The following MTFR1 variants were observed in gnomAD, a reference collection of about 807,000 sequenced individuals.
MTFR1 encodes mitochondrial fission regulator 1.
In MTFR1, 28 loss-of-function variants were observed where a neutral mutation model predicts 38.8. The observed-to-expected ratio is 0.72, with a 90% CI of 0.53 to 0.99. MTFR1 has a LOEUF of 0.99. Among genes scored for constraint, MTFR1 ranks in the 50% least tolerant of loss-of-function variants. MTFR1 has a pLI of 0.00. For synonymous variants in MTFR1, 145 were observed against 137.0 expected (o/e 1.06, Z -0.41); for missense variants, 358 against 395.5 (o/e 0.91, Z 0.81).
chr8:65,706,894 T>A (rs1805794531), intron 5 of MTFR1, 116 bp from the exon 6 acceptor site: 6 of 1,166,202 alleles, frequency 5.1e-6, no homozygotes, highest in Non-Finnish European at 7.2e-6. Context: ...AACTGAAACG[T>A]TAAGAATATT....
At chr8:65,716,697 T>G (rs2129062180) in intron 2 of MTFR1, among the ~76,000 whole-genome samples, 1 of 152,314 alleles carries the variant, frequency 6.6e-6, no homozygotes, top group African/African-American at 2.4e-5. Flanking sequence ...ATTGATAGTG[T>G]TTTAAAAAAA....
At chr8:65,721,268 A>G (rs558262018) in intron 3 of MTFR1, among the ~76,000 whole-genome samples, 2 of 152,336 alleles carry the variant, frequency 1.3e-5, no homozygotes, top group East Asian at 1.9e-4. Context: ...TATCCAGTAC[A>G]TATTTTCTTG....
chr8:65,695,510 T>C (rs959150310), intron 4 of MTFR1, among the ~76,000 whole-genome samples: 9 of 152,042 alleles, frequency 5.9e-5, no homozygotes, highest in Admixed American at 1.3e-4. Flanking sequence ...GTGGCTGCCA[T>C]GATGCCCAGC....
intron 3 of MTFR1, among the ~76,000 whole-genome samples, chr8:65,746,629 C>T (rs1023104102): frequency 3.3e-5 from 5 of 152,104 alleles, no homozygotes; most frequent in Non-Finnish European, 7.4e-5. Context: ...TCCAAAAGTT[C>T]ACTGTTGTAT....
At chr8:65,724,751 T>C (rs1415673135) in intron 3 of MTFR1, 4 of 1,574,012 alleles carry the variant, frequency 2.5e-6, no homozygotes, top group East Asian at 2.3e-5. Context: ...ATCCTAGAAA[T>C]AGAATGTTTC....
Position 65,707,850 on chromosome 8 carries a change from C to G in MTFR1, c.772C>G (p.Gln258Glu), listed in dbSNP as rs1805830353. ...TGTGTTCACTTCTCTAAGGTCAGAG[C>G]AAGATGTGAAGCCCAAGCCAGTGGA... ...VKLRSVKRSE[Q>E]DVKPKPVDAT... The change falls in exon 7 of 8, where the codon CAA becomes GAA. Residue 258 changes from glutamine to glutamate, a missense_variant. Coordinates refer to ENST00000262146, the MANE Select transcript of MTFR1 (RefSeq NM_014637.4). 1.2e-6 allele frequency: 2 copies of G among 1,613,848 alleles called. No homozygotes were observed. Among genetic ancestry groups the G allele is most frequent in the African/African-American group, 2.7e-5 (2 of 74,992 alleles).
At position 65,645,655 on chromosome 8, in the gene MTFR1, AGCTGGGACTACAG is replaced by A. The variant is rs145074160; in HGVS notation, c.-81+874_-81+886del. Reference sequence around the variant, plus strand: ...ATCCTCACGCCTCAGCCTCCCCACTAGCTGGGACTACAGGCAGGCGCCATCACGCCCGGCTTTC... The same window carrying A: ...ATCCTCACGCCTCAGCCTCCCCACTAGCAGGCGCCATCACGCCCGGCTTTC... On this transcript the variant is annotated intron_variant, in intron 1 of 7. Coordinates refer to ENST00000262146, the MANE Select transcript of MTFR1 (RefSeq NM_014637.4). 1.1e-4 allele frequency among the ~76,000 whole-genome samples: 15 copies of A among 137,924 alleles called. No individual in the cohort carries two copies. The East Asian group carries it at 3.6e-3, about 33-fold the overall frequency. The allele number at this position is 137,924 out of a possible 152,430, so 90.5% of individuals were successfully genotyped here.
At chr8:65,777,322 G>A in the MTFR1 span, among the ~76,000 whole-genome samples, 5 of 151,654 alleles carry the variant, frequency 3.3e-5, no homozygotes, top group African/African-American at 7.3e-5. Flanking sequence ...CAGATGATCC[G>A]CCCGCCTCAG....
intron 3 of MTFR1, among the ~76,000 whole-genome samples, chr8:65,764,474 T>C (rs1808667697): frequency 6.6e-6 from 1 of 152,172 alleles, no homozygotes; most frequent in Non-Finnish European, 1.5e-5. Context: ...AATAGGAAAC[T>C]AATGACCATG....
chr8:65,730,196 T>TTTC (rs1159966018), intron 3 of MTFR1, among the ~76,000 whole-genome samples: 2 of 118,882 alleles, frequency 1.7e-5, no homozygotes, highest in African/African-American at 6.9e-5. Context: ...TTTTTTTTTT[T>TTTC]TGAGATGGAG....
chr8:65,666,275 C>T (rs898984694), intron 1 of MTFR1, among the ~76,000 whole-genome samples: 3 of 148,510 alleles, frequency 2.0e-5, no homozygotes, highest in Admixed American at 1.4e-4. Context: ...GGTGTGGTGG[C>T]GCATGCCTGT....
chr8:65,690,999 T>C (rs1382049332), intron 3 of MTFR1, among the ~76,000 whole-genome samples: 1 of 152,100 alleles, frequency 6.6e-6, no homozygotes, highest in Non-Finnish European at 1.5e-5. Context: ...GAACATTACC[T>C]GATTTCTCAA....
intron 1 of MTFR1, among the ~76,000 whole-genome samples, chr8:65,665,811 T>C (rs1490964876): frequency 2.0e-5 from 3 of 152,262 alleles, no homozygotes; most frequent in Non-Finnish European, 2.9e-5. Flanking sequence ...TTACCAACTT[T>C]GGTTAATTCT....
intron 1 of MTFR1, among the ~76,000 whole-genome samples, chr8:65,662,860 G>T (rs1469599807): frequency 4.6e-5 from 7 of 151,266 alleles, no homozygotes; most frequent in Admixed American, 1.3e-4. Flanking sequence ...AGGGAGGTGG[G>T]GGGGTTAGGC....
chr8:65,672,330 T>C (rs541906333), intron 2 of MTFR1, among the ~76,000 whole-genome samples: 38 of 152,314 alleles, frequency 2.5e-4, no homozygotes, highest in Admixed American at 1.7e-3. Context: ...AGAATAAAAA[T>C]ACAAAGGAAT....
chr8:65,723,697 A>T, intron 3 of MTFR1: 1 of 1,016,668 alleles, frequency 9.8e-7, no homozygotes, highest in South Asian at 2.3e-5. Flanking sequence ...GCTTGAACAT[A>T]CCTGTGCATT....
chr8:65,726,038 AAC>A (rs1489402154), intron 3 of MTFR1, among the ~76,000 whole-genome samples: 2 of 152,232 alleles, frequency 1.3e-5, no homozygotes, highest in Non-Finnish European at 2.9e-5. Flanking sequence ...CATTACACAA[AAC>A]AGTTTTTTAT....
intron 7 of MTFR1, chr8:65,708,427 G>T: frequency 3.3e-6 from 1 of 298,902 alleles, no homozygotes; most frequent in Non-Finnish European, 6.4e-6. Flanking sequence ...AGTACAGTGA[G>T]ATCATTTTCT....
At chr8:65,740,978 G>A (rs534974812) in intron 3 of MTFR1, among the ~76,000 whole-genome samples, 22 of 152,200 alleles carry the variant, frequency 1.4e-4, no homozygotes, top group South Asian at 1.2e-3. Context: ...GACTGTTTTC[G>A]TCCTCAACGT....
Sources: gnomAD v4.1 joint callset for allele counts (sites outside exome capture counted in the v4.1 genomes callset) on GRCh38, gnomAD v4.1.1 for gene constraint, MANE v1.5 for transcripts, NCBI Gene and HGNC (gene_info 2026-07-23, HGNC 2026-07-21) for gene names.